KCNH7: variants seen among roughly 807,000 people sequenced by gnomAD.
KCNH7 encodes the protein potassium voltage-gated channel subfamily H member 7.
A neutral mutation model predicts 120.8 loss-of-function variants in KCNH7; 49 were observed. The ratio of observed to expected loss-of-function variants is 0.41; its 90% CI spans 0.32 to 0.51. The LOEUF is 0.51. KCNH7 is among the 20% of genes least tolerant of loss of function. The pLI, the probability that KCNH7 is intolerant of heterozygous loss-of-function variation, is 0.38. For missense variants in KCNH7, 1,097 were observed against 1,446.6 expected (o/e 0.76, Z 3.92); for synonymous variants, 547 against 516.1 (o/e 1.06, Z -0.81).
At chr2:162,773,609 A>C (rs1683136940) in intron 2 of KCNH7, among the ~76,000 whole-genome samples, 1 of 152,194 alleles carries the variant, frequency 6.6e-6, no homozygotes, top group Non-Finnish European at 1.5e-5. Context: ...TGAAACAAAA[A>C]GCACATCAAG....
intron 2 of KCNH7, among the ~76,000 whole-genome samples, chr2:162,628,255 T>A (rs1424150184): frequency 2.0e-5 from 3 of 152,102 alleles, no homozygotes; most frequent in Non-Finnish European, 4.4e-5. Context: ...GATTTACTGA[T>A]CCATAGAACA....
At chr2:162,623,541 G>T (rs192271601) in intron 2 of KCNH7, among the ~76,000 whole-genome samples, 1 of 152,076 alleles carries the variant, frequency 6.6e-6, no homozygotes, top group Non-Finnish European at 1.5e-5. Flanking sequence ...GAAAAACACC[G>T]ATGTAATTAA....
At chr2:162,418,983 G>A (rs1458113524) in intron 9 of KCNH7, among the ~76,000 whole-genome samples, 1 of 151,764 alleles carries the variant, frequency 6.6e-6, no homozygotes, top group African/African-American at 2.4e-5. Flanking sequence ...AGCTCCAAAA[G>A]CTCTCCCTGT....
chr2:162,385,546 T>G (rs1387476909), intron 12 of KCNH7, among the ~76,000 whole-genome samples: 1 of 151,894 alleles, frequency 6.6e-6, no homozygotes, highest in Non-Finnish European at 1.5e-5. Flanking sequence ...CTAATTACAT[T>G]AAAGCTGGTA....
intron 4 of KCNH7, among the ~76,000 whole-genome samples, chr2:162,515,796 T>G (rs964905878): frequency 1.3e-5 from 2 of 151,802 alleles, no homozygotes; most frequent in African/African-American, 4.8e-5. Context: ...TTTTTCCTTT[T>G]GACCTTCTTT....
chr2:162,579,853 G>A (rs1246008602), intron 2 of KCNH7, among the ~76,000 whole-genome samples: 4 of 152,102 alleles, frequency 2.6e-5, no homozygotes, highest in Non-Finnish European at 5.9e-5. Flanking sequence ...GGAACTGTGG[G>A]GATGAAGAGT....
At chr2:162,803,551 C>T (rs1216331120) in intron 2 of KCNH7, among the ~76,000 whole-genome samples, 1 of 151,646 alleles carries the variant, frequency 6.6e-6, no homozygotes, top group Non-Finnish European at 1.5e-5. Flanking sequence ...GTGGAGTAGC[C>T]TAAATGCTTT....
At chr2:162,383,842 G>A (rs747894203) in intron 13 of KCNH7, among the ~76,000 whole-genome samples, 20 of 151,620 alleles carry the variant, frequency 1.3e-4, no homozygotes, top group South Asian at 4.2e-4. Context: ...CCATAACCTC[G>A]TTGGTTAGAT....
At chr2:162,723,682 GT>G (rs1687411510) in intron 2 of KCNH7, among the ~76,000 whole-genome samples, 1 of 151,702 alleles carries the variant, frequency 6.6e-6, no homozygotes, top group Non-Finnish European at 1.5e-5. Context: ...TTCTTTTTTT[GT>G]ACATATATGA....
chr2:162,728,098 T>C (rs1687592614), intron 2 of KCNH7, among the ~76,000 whole-genome samples: 1 of 152,132 alleles, frequency 6.6e-6, no homozygotes, highest in African/African-American at 2.4e-5. Context: ...ACTCCTTTTT[T>C]TTCCATTTTC....
chr2:162,461,086 T>A (rs1406107918), intron 6 of KCNH7, among the ~76,000 whole-genome samples: 1 of 152,178 alleles, frequency 6.6e-6, no homozygotes, highest in Non-Finnish European at 1.5e-5. Context: ...AGAGCCTAAA[T>A]GCAGCTTGTT....
At position 162,425,826 on chromosome 2, in the gene KCNH7, C is replaced by T. The variant is rs191904213; in HGVS notation, c.1955-2291G>A. Among the ~76,000 whole-genome samples the T allele has an allele frequency of 1.3e-3, 194 of 152,150 alleles. 1 individual carries two copies. Among genetic ancestry groups the T allele is most frequent in the Non-Finnish European group, 2.4e-3 (160 of 68,002 alleles). On this transcript the variant is annotated intron_variant, in intron 8 of 15. Transcript: ENST00000332142. ...GTTTTATCTCTACCATCAAAATTAACCAAAATGTTAGTTTAGGTCATAAAC... is the reference window on the plus strand; with the variant it reads ...GTTTTATCTCTACCATCAAAATTAATCAAAATGTTAGTTTAGGTCATAAAC...
At chr2:162,715,557 T>C (rs1197351700) in intron 2 of KCNH7, among the ~76,000 whole-genome samples, 1 of 152,218 alleles carries the variant, frequency 6.6e-6, no homozygotes, top group African/African-American at 2.4e-5. Flanking sequence ...GTAGCTTCTT[T>C]GAACAAGATG....
At chr2:162,478,092 T>A (rs375255793) in intron 6 of KCNH7, among the ~76,000 whole-genome samples, 15 of 152,232 alleles carry the variant, frequency 9.9e-5, no homozygotes, top group East Asian at 7.7e-4. Flanking sequence ...AAGGAAGGCA[T>A]CCTTGAGGAA....
chr2:162,634,476 C>T (rs894663990), intron 2 of KCNH7, among the ~76,000 whole-genome samples: 1 of 152,058 alleles, frequency 6.6e-6, no homozygotes, highest in Non-Finnish European at 1.5e-5. Flanking sequence ...ATTATCTTAT[C>T]CTAGCAACAA....
intron 6 of KCNH7, among the ~76,000 whole-genome samples, chr2:162,489,379 A>C (rs1010005496): frequency 6.6e-6 from 1 of 152,316 alleles, no homozygotes; most frequent in African/African-American, 2.4e-5. Flanking sequence ...TGAGCTAAAA[A>C]AAAAATGCAA....
intron 2 of KCNH7, among the ~76,000 whole-genome samples, chr2:162,666,283 C>T (rs139704038): frequency 0.018 from 2,718 of 152,262 alleles, 31 homozygotes; most frequent in Non-Finnish European, 0.027. Flanking sequence ...GCTCAACCAT[C>T]TTGGATTCTC....
intron 9 of KCNH7, among the ~76,000 whole-genome samples, chr2:162,416,702 A>G (rs1419978283): frequency 1.3e-5 from 2 of 152,134 alleles, no homozygotes; most frequent in African/African-American, 4.8e-5. Context: ...GCATATATGG[A>G]AATGATTCAG....
intron 2 of KCNH7, among the ~76,000 whole-genome samples, chr2:162,806,825 A>G (rs1285427583): frequency 6.6e-6 from 1 of 152,060 alleles, no homozygotes; most frequent in African/African-American, 2.4e-5. Context: ...TTGTTTTTTT[A>G]TTAGGTCAAA....
Sources: gnomAD v4.1 joint callset for allele counts (sites outside exome capture counted in the v4.1 genomes callset) on GRCh38, gnomAD v4.1.1 for gene constraint, MANE v1.5 for transcripts, NCBI Gene and HGNC (gene_info 2026-07-23, HGNC 2026-07-21) for gene names.